The following PICALM variants were observed in gnomAD, a reference collection of about 807,000 sequenced individuals.
The protein encoded by PICALM is phosphatidylinositol-binding clathrin assembly protein.
Under a neutral mutation model 80.5 loss-of-function variants are expected in PICALM, and 40 were observed. The observed-to-expected ratio is 0.50, with a 90% CI of 0.39 to 0.65. The LOEUF (loss-of-function observed/expected upper bound fraction) is 0.65. PICALM is among the 30% of genes least tolerant of loss of function. PICALM has a pLI of 0.00. For missense variants in PICALM, 676 were observed against 778.9 expected, an observed-to-expected ratio of 0.87 and a Z score of 1.57; for synonymous variants, 288 against 260.3, an observed-to-expected ratio of 1.11 and a Z score of -1.02.
At chr11:85,990,075 T>C (rs917605084) in intron 13 of PICALM, among the ~76,000 whole-genome samples, 175 bp downstream of exon 13, 1 of 140,500 alleles carries the variant, frequency 7.1e-6, no homozygotes, top group Non-Finnish European at 1.6e-5. Flanking sequence ...ATAAATAAAA[T>C]TGGGATACCA....
Position 85,983,565 on chromosome 11 carries a change from A to G in PICALM, c.1516+301T>C, listed in dbSNP as rs72951266. Among the ~76,000 whole-genome samples, 24,287 of 151,884 alleles carry G rather than the reference A, an allele frequency of 0.16. 2,528 individuals are homozygous for G. Among genetic ancestry groups the G allele is most frequent in the Middle Eastern group, 0.24 (72 of 294 alleles). ...GTAAAAGTAAAAATTGTATGCCTAA[A>G]AAGGCACAACATCTACACATAGTCA... On this transcript the variant is annotated intron_variant, in intron 14 of 19. Coordinates refer to ENST00000393346, the MANE Select transcript of PICALM (RefSeq NM_007166.4).
At chr11:86,048,248 AT>A (rs1384831083) in intron 1 of PICALM, among the ~76,000 whole-genome samples, 1 of 152,216 alleles carries the variant, frequency 6.6e-6, no homozygotes, top group Non-Finnish European at 1.5e-5. Context: ...TCTATAGCTA[AT>A]TTTTAAGTTA....
chr11:85,967,285 T>C (rs2093933524), intron 19 of PICALM, among the ~76,000 whole-genome samples: 1 of 152,256 alleles, frequency 6.6e-6, no homozygotes, highest in Non-Finnish European at 1.5e-5. Flanking sequence ...TGGTCACTGA[T>C]GTTCGTCATG....
chr11:85,975,592 C>CTTTTTTTTTTTT, intron 18 of PICALM, among the ~76,000 whole-genome samples: 1 of 89,642 alleles, frequency 1.1e-5, no homozygotes, highest in Non-Finnish European at 2.0e-5. Flanking sequence ...TCTCAGCAGA[C>CTTTTTTTTTTTT]TTTTTTTTTT....
intron 3 of PICALM, among the ~76,000 whole-genome samples, chr11:86,025,551 G>GC (rs759292973): frequency 1.7e-3 from 254 of 151,078 alleles, no homozygotes; most frequent in Non-Finnish European, 2.9e-3. Context: ...ATATTACATA[G>GC]CATTTCTTTT....
At chr11:86,030,495 CGAA>C (rs148041873) in intron 2 of PICALM, among the ~76,000 whole-genome samples, 3,875 of 152,138 alleles carry the variant, frequency 0.025, 170 homozygotes, top group African/African-American at 0.089. Flanking sequence ...AGGCACATAC[CGAA>C]GAAGATTTAT....
At chr11:85,995,383 T>C (rs1167857498) in intron 12 of PICALM, among the ~76,000 whole-genome samples, 1 of 152,232 alleles carries the variant, frequency 6.6e-6, no homozygotes, top group East Asian at 1.9e-4. Flanking sequence ...AATAATGTCT[T>C]ATAACAGGAC....
At chr11:85,995,787 A>G (rs180903854) in intron 12 of PICALM, among the ~76,000 whole-genome samples, 254 of 152,332 alleles carry the variant, frequency 1.7e-3, no homozygotes, top group Non-Finnish European at 2.9e-3. Flanking sequence ...GGATATTAAG[A>G]AACTGCTTTC....
rs555688643 is a variant in PICALM at position 85,992,933 on chromosome 11, C to G, written c.1259-2534G>C. ...CAGATAAGGAAAACCAGTTCCTAAT[C>G]TACTTGACAAAACACTACAGGTAAT... On this transcript the variant is annotated intron_variant, in intron 12 of 19. Coordinates refer to ENST00000393346, the MANE Select transcript of PICALM (RefSeq NM_007166.4). 2.6e-5 allele frequency among the ~76,000 whole-genome samples: 4 copies of G among 152,276 alleles called. No homozygotes were observed. In the East Asian group the frequency reaches 7.7e-4, roughly 29 times the overall value.
At chr11:85,993,946 T>C (rs552212377) in intron 12 of PICALM, among the ~76,000 whole-genome samples, 1 of 152,202 alleles carries the variant, frequency 6.6e-6, no homozygotes, top group Admixed American at 6.5e-5. Context: ...TCTCAAATTC[T>C]TGGGCTAACG....
intron 19 of PICALM, among the ~76,000 whole-genome samples, chr11:85,965,729 C>T (rs1289697383): frequency 6.6e-6 from 1 of 151,468 alleles, no homozygotes; most frequent in Admixed American, 6.6e-5. Flanking sequence ...AAAACCCCAC[C>T]TTGGGTTTCT....
In PICALM at chr11:86,063,877, G is replaced by GA. The variant is rs200203777; in HGVS notation, c.130+4773dup. 2.0e-3 allele frequency among the ~76,000 whole-genome samples: 294 copies of GA among 143,672 alleles called. 6 individuals carry two copies. The East Asian group carries it at 0.039, about 19-fold the overall frequency. 94.3% of individuals were successfully genotyped at this position (143,672 alleles called of 152,430 possible). On this transcript the variant is annotated intron_variant, in intron 1 of 19. Coordinates refer to ENST00000393346, the MANE Select transcript of PICALM (RefSeq NM_007166.4). ...GTCTTCTTAAAACAAGATCCTTTTG[G>GA]AAAAAAAAAAAGTCCCAGTTACCTT...
At chr11:86,021,940 A>C (rs1234563944) in intron 4 of PICALM, among the ~76,000 whole-genome samples, 1 of 152,254 alleles carries the variant, frequency 6.6e-6, no homozygotes, top group African/African-American at 2.4e-5. Flanking sequence ...GTATAATTTC[A>C]TTTATATGAA....
At chr11:85,974,275 C>G (rs888792457) in intron 19 of PICALM, among the ~76,000 whole-genome samples, 1 of 152,094 alleles carries the variant, frequency 6.6e-6, no homozygotes, top group Admixed American at 6.5e-5. Flanking sequence ...AAATAACATT[C>G]AAAACTTTTT....
intron 4 of PICALM, among the ~76,000 whole-genome samples, chr11:86,021,029 TA>T (rs2095554050): frequency 6.6e-6 from 1 of 152,160 alleles, no homozygotes; most frequent in East Asian, 1.9e-4. Flanking sequence ...AACTTAACAA[TA>T]AAAAGGGCAA....
chr11:86,056,290 G>A (rs2096269516), intron 1 of PICALM, among the ~76,000 whole-genome samples: 1 of 148,938 alleles, frequency 6.7e-6, no homozygotes, highest in East Asian at 1.9e-4. Flanking sequence ...TGTGAGGTAT[G>A]TAAAGTACTC....
chr11:85,976,287 C>T (rs1216921755), intron 18 of PICALM, among the ~76,000 whole-genome samples: 1 of 152,156 alleles, frequency 6.6e-6, no homozygotes, highest in Admixed American at 6.5e-5. Flanking sequence ...CTCCCATGCC[C>T]TACAATATCA....
At position 86,001,073 on chromosome 11, in the gene PICALM, C is replaced by T. The variant is rs1300471586; in HGVS notation, c.979G>A (p.Ala327Thr). ...TKVDEREKQA[A>T]LEEEQARLKA... ...AAACGTGCCTGTTCTTCCTCTAATG[C>T]TGCCTGCTTTTCCCTTTCATCCACT... Residue 327 changes from alanine (A) to threonine (T), a missense_variant, in exon 10 of 20, where the codon GCA becomes ACA. Around this residue, in one of 2 missense-constraint regions of PICALM, gnomAD observed 285 missense variants for 395.4 expected, o/e 0.72. Coordinates refer to ENST00000393346, the MANE Select transcript of PICALM (RefSeq NM_007166.4). The T allele has an allele frequency of 6.2e-7, 1 of 1,614,150 alleles. No individual in the cohort carries two copies. The highest frequency in any genetic ancestry group is 1.1e-5 in the South Asian group (1 of 91,086).
chr11:86,007,495 A>T, intron 8 of PICALM, 47 bp downstream of exon 8: 2 of 1,081,414 alleles, frequency 1.8e-6, no homozygotes, highest in Non-Finnish European at 1.4e-6. Context: ...ACTCTTCACA[A>T]CTTGTACACA....
Sources: gnomAD v4.1 joint callset for allele counts (sites outside exome capture counted in the v4.1 genomes callset) on GRCh38, gnomAD v4.1.1 for gene constraint, gnomAD v4.1.1 regional missense constraint, MANE v1.5 for transcripts, NCBI Gene and HGNC (gene_info 2026-07-23, HGNC 2026-07-21) for gene names.